CUL5: variants seen among roughly 807,000 people sequenced by gnomAD.
CUL5 encodes the protein cullin 5.
CUL5 carries 26 observed loss-of-function variants against 108.8 expected under a neutral mutation model. That is an observed-to-expected ratio of 0.24 (90% CI 0.18 to 0.33). The LOEUF (loss-of-function observed/expected upper bound fraction) is 0.33, where lower values mean the gene tolerates loss of function less well. CUL5 is among the 10% of genes least tolerant of loss of function. The probability of loss-of-function intolerance (pLI) is 1.00; values close to 1 mark genes in which losing one functional copy is unlikely to be tolerated. For missense variants in CUL5, 524 were observed against 909.2 expected (o/e 0.58, Z 5.45); for synonymous variants, 334 against 298.0 (o/e 1.12, Z -1.25).
At chr11:108,095,475 T>C (rs189261929) in intron 15 of CUL5, 55 bp from the exon 16 acceptor site, 3 of 1,208,632 alleles carry the variant, frequency 2.5e-6, no homozygotes, top group African/African-American at 3.1e-5. Context: ...GTCATAGATA[T>C]TAAGAGAGAA....
intron 9 of CUL5, among the ~76,000 whole-genome samples, 186 bp downstream of exon 9, chr11:108,072,648 C>T (rs937955500): frequency 6.6e-6 from 1 of 151,760 alleles, no homozygotes; most frequent in Non-Finnish European, 1.5e-5. Context: ...CCCATTAGGG[C>T]GGATATAGCA....
rs1263049515 is a variant in CUL5 at position 108,081,322 on chromosome 11, A to T, written c.1178+3082A>T. 3.3e-5 allele frequency among the ~76,000 whole-genome samples: 5 copies of T among 151,878 alleles called. No individual in the cohort carries two copies. The East Asian group carries it at 9.7e-4, about 30-fold the overall frequency. ...AACAAGAAAGAGTTTTATAGTTTTG[A>T]CTTTTACATTTAAGTCATTGATCCA... is the stretch of plus-strand genomic sequence containing the variant. On this transcript the variant is annotated intron_variant, in intron 11 of 18. Coordinates refer to ENST00000393094, the MANE Select transcript of CUL5 (RefSeq NM_003478.6).
At chr11:108,088,753 A>G in intron 12 of CUL5, 94 bp downstream of exon 12, 1 of 952,412 alleles carries the variant, frequency 1.0e-6, no homozygotes. Flanking sequence ...TCAATTTAAA[A>G]ATGTATTATC....
At chr11:108,021,800 G>A (rs1178338251) in intron 1 of CUL5, among the ~76,000 whole-genome samples, 1 of 151,412 alleles carries the variant, frequency 6.6e-6, no homozygotes, top group African/African-American at 2.4e-5. Flanking sequence ...ATAGGCATGA[G>A]CCACACCGCC....
At chr11:108,070,692 A>T (rs1863800213) in intron 8 of CUL5, among the ~76,000 whole-genome samples, 3 of 148,158 alleles carry the variant, frequency 2.0e-5, no homozygotes, top group Admixed American at 1.4e-4. Context: ...ATAACAAACT[A>T]AAAAAAAAAA....
At chr11:108,037,436 G>A (rs1251639878) in intron 2 of CUL5, among the ~76,000 whole-genome samples, 2 of 152,178 alleles carry the variant, frequency 1.3e-5, no homozygotes, top group South Asian at 2.1e-4. Flanking sequence ...TGATTGCTGG[G>A]AGTATTCATG....
intron 1 of CUL5, among the ~76,000 whole-genome samples, chr11:108,021,855 C>T (rs1237452815): frequency 2.0e-5 from 3 of 151,942 alleles, no homozygotes; most frequent in Non-Finnish European, 4.4e-5. Flanking sequence ...CACTTTGTTC[C>T]TCAGGCTGGA....
At chr11:108,049,764 C>T (rs1863163507) in intron 3 of CUL5, 126 bp from the exon 4 acceptor site, 1 of 704,156 alleles carries the variant, frequency 1.4e-6, no homozygotes, top group Non-Finnish European at 2.3e-6. Context: ...GTTTTAATTT[C>T]TTTTGGATAT....
At chr11:108,070,995 AG>A (rs1223128269) in intron 8 of CUL5, among the ~76,000 whole-genome samples, 2 of 152,210 alleles carry the variant, frequency 1.3e-5, no homozygotes, top group Non-Finnish European at 2.9e-5. Context: ...TCTTTTCAAA[AG>A]GATTTATTTA....
At chr11:108,042,395 T>A (rs1168928838) in intron 2 of CUL5, among the ~76,000 whole-genome samples, 1 of 151,650 alleles carries the variant, frequency 6.6e-6, no homozygotes, top group Non-Finnish European at 1.5e-5. Flanking sequence ...ATTTTTGTAT[T>A]TTTTTTAGTA....
intron 7 of CUL5, among the ~76,000 whole-genome samples, chr11:108,058,431 G>T (rs1416666022): frequency 6.6e-6 from 1 of 151,186 alleles, no homozygotes; most frequent in African/African-American, 2.4e-5. Flanking sequence ...TGTATTTTTA[G>T]TAGAGACAGG....
intron 2 of CUL5, among the ~76,000 whole-genome samples, chr11:108,038,837 T>C (rs1388098592): frequency 1.3e-5 from 2 of 152,182 alleles, no homozygotes; most frequent in Non-Finnish European, 2.9e-5. Context: ...AGGTTGCTTA[T>C]ATCTTTCTAA....
chr11:108,084,259 A>G (rs1864171057), intron 11 of CUL5, among the ~76,000 whole-genome samples: 1 of 152,258 alleles, frequency 6.6e-6, no homozygotes, highest in Non-Finnish European at 1.5e-5. Context: ...TAAGAGCTAT[A>G]GAAACAGCTA....
In CUL5 at chr11:108,060,862, G is replaced by A. The variant is rs572623002; in HGVS notation, c.780+5907G>A. 3.9e-5 allele frequency among the ~76,000 whole-genome samples: 6 copies of A among 151,984 alleles called. No homozygotes were observed. The South Asian group carries it at 1.2e-3, about 32-fold the overall frequency. ...AAAGAATAAGAATCTACCATGTCTC[G>A]TAGCCTACCTGTCTCACCTTTCATT... On this transcript the variant is annotated intron_variant, in intron 7 of 18. Transcript: ENST00000393094.
In CUL5 at chr11:108,070,827, C is replaced by T. The variant is rs1863803261; in HGVS notation, c.874+638C>T. 2.6e-5 allele frequency among the ~76,000 whole-genome samples: 4 copies of T among 152,088 alleles called. No individual in the cohort carries two copies. In the South Asian group the frequency reaches 8.3e-4, roughly 32 times the overall value. The stretch of plus-strand genomic sequence containing the variant: ...ATCTAACTGCAAGGTCCTGTTTAAT[C>T]TCTAGTTGCATTTAAAGTGCATATT... On this transcript the variant is annotated intron_variant, in intron 8 of 18. Transcript: ENST00000393094.
chr11:108,029,694 AAAC>A (rs1862530710), intron 1 of CUL5, among the ~76,000 whole-genome samples: 1 of 152,218 alleles, frequency 6.6e-6, no homozygotes, highest in Non-Finnish European at 1.5e-5. Context: ...GTTTAATAGA[AAAC>A]AATTAATTAT....
chr11:108,027,030 C>T (rs1166778183), intron 1 of CUL5, among the ~76,000 whole-genome samples: 3 of 151,714 alleles, frequency 2.0e-5, no homozygotes, highest in Non-Finnish European at 4.4e-5. Flanking sequence ...CACTTCCTCT[C>T]ACCCTATCAA....
rs1485871890 is a variant in CUL5, at chr11:108,092,623, T to A, written c.1444-1768T>A. ...AGACCATATCGTATGATTCCACTAA[T>A]GTGAAGTGTCCAGAATAGGCAAATC... is the stretch of plus-strand genomic sequence containing the variant. On this transcript the variant is annotated intron_variant, in intron 13 of 18. Transcript: ENST00000393094. Among the ~76,000 whole-genome samples, 6 of 152,226 alleles carry A rather than the reference T, an allele frequency of 3.9e-5. No individual in the cohort carries two copies. In the South Asian group the frequency reaches 1.2e-3, roughly 32 times the overall value.
chr11:108,060,192 T>A (rs1047407281), intron 7 of CUL5, among the ~76,000 whole-genome samples: 14 of 148,412 alleles, frequency 9.4e-5, no homozygotes, highest in African/African-American at 2.7e-4. Context: ...GGTCTAAAAT[T>A]AAAAAAAAAA....
Sources: gnomAD v4.1 joint callset for allele counts (sites outside exome capture counted in the v4.1 genomes callset) on GRCh38, gnomAD v4.1.1 for gene constraint, MANE v1.5 for transcripts, NCBI Gene and HGNC (gene_info 2026-07-23, HGNC 2026-07-21) for gene names.